Variants in MS4A13 observed in about 807,000 individuals in gnomAD.
MS4A13 encodes membrane-spanning 4-domains subfamily A member 13.
MS4A13 carries 21 observed loss-of-function variants against 18.4 expected under a neutral mutation model. The observed-to-expected ratio is 1.14, with a 90% CI of 0.81 to 1.64. The LOEUF (loss-of-function observed/expected upper bound fraction) is 1.64. MS4A13 is among the 40% of genes most tolerant of loss of function. The pLI is 0.00. For synonymous variants in MS4A13, 62 were observed against 57.2 expected (o/e 1.08, Z -0.38); for missense variants, 173 against 176.8 (o/e 0.98, Z 0.12).
intron 4 of MS4A13, among the ~76,000 whole-genome samples, chr11:60,524,712 G>T (rs547038464): frequency 3.4e-5 from 5 of 146,964 alleles, no homozygotes; most frequent in Non-Finnish European, 5.9e-5. Context: ...ACCCAGGCTG[G>T]AGTGCAGTGG....
rs573271278 is a variant in MS4A13 at position 60,532,323 on chromosome 11, C to A, written c.402+2863C>A. Among the ~76,000 whole-genome samples, 235 of 152,292 alleles carry A rather than the reference C, an allele frequency of 1.5e-3. 3 individuals are homozygous for A. The highest frequency in any genetic ancestry group is 5.4e-3 in the African/African-American group (226 of 41,560). The stretch of plus-strand genomic sequence containing the variant: ...CAGGCCAGTGTGTGCACGCACCGTG[C>A]GCGAGCCGAAGCAGGGCGAGGCATT... On this transcript the variant is annotated intron_variant, in intron 6 of 6. Transcript: ENST00000378186.
At chr11:60,542,436 A>AT in intron 6 of MS4A13, 83 bp from the exon 7 acceptor site, 3 of 925,084 alleles carry the variant, frequency 3.2e-6, no homozygotes, top group African/African-American at 1.7e-5. Flanking sequence ...TATTACCTGT[A>AT]TTTTTTAAGA....
At chr11:60,532,326 G>C (rs916644359) in intron 6 of MS4A13, among the ~76,000 whole-genome samples, 1 of 152,174 alleles carries the variant, frequency 6.6e-6, no homozygotes, top group South Asian at 2.1e-4. Context: ...CACCGTGCGC[G>C]AGCCGAAGCA....
intron 5 of MS4A13, among the ~76,000 whole-genome samples, chr11:60,527,719 C>T (rs1197070185): frequency 6.6e-6 from 1 of 151,868 alleles, no homozygotes; most frequent in Non-Finnish European, 1.5e-5. Flanking sequence ...ACCTGTAATC[C>T]CAGCTACTCC....
chr11:60,542,948 A>G (rs1284683519), downstream of MS4A13, among the ~76,000 whole-genome samples: 25 of 152,236 alleles, frequency 1.6e-4, no homozygotes, highest in Admixed American at 1.6e-3. Flanking sequence ...TTAAATACTT[A>G]TGTCCATACA....
intron 3 of MS4A13, among the ~76,000 whole-genome samples, chr11:60,521,518 G>A (rs1324198518): frequency 1.3e-5 from 2 of 152,086 alleles, no homozygotes; most frequent in East Asian, 3.8e-4. Flanking sequence ...AATCTCTAGG[G>A]AAAAATGCCA....
At chr11:60,527,423 T>TGTGTGTGTGTGTGG (rs2086726659) in intron 5 of MS4A13, among the ~76,000 whole-genome samples, 1 of 148,792 alleles carries the variant, frequency 6.7e-6, no homozygotes, top group Non-Finnish European at 1.5e-5. Flanking sequence ...TGTGTGTGTG[T>TGTGTGTGTGTGTGG]GTGTGTGTGT....
chr11:60,531,302 G>C (rs1391075781), intron 6 of MS4A13, among the ~76,000 whole-genome samples: 8 of 152,142 alleles, frequency 5.3e-5, no homozygotes, highest in Non-Finnish European at 1.5e-5. Context: ...AAATTTACTA[G>C]CAACCAACCA....
At chr11:60,521,519 A>G (rs144437096) in intron 3 of MS4A13, among the ~76,000 whole-genome samples, 2,130 of 152,290 alleles carry the variant, frequency 0.014, 25 homozygotes, top group African/African-American at 0.025. Flanking sequence ...ATCTCTAGGG[A>G]AAAATGCCAC....
intron 3 of MS4A13, among the ~76,000 whole-genome samples, chr11:60,519,883 T>C (rs1239253527): frequency 6.6e-6 from 1 of 152,204 alleles, no homozygotes; most frequent in Non-Finnish European, 1.5e-5. Context: ...GTTAGAATTT[T>C]AATACTAGAG....
rs1227880095 is a variant in MS4A13, at chr11:60,533,392, C to T, written c.402+3932C>T. 3.0e-3 allele frequency among the ~76,000 whole-genome samples: 362 copies of T among 119,402 alleles called. 19 individuals carry two copies. Among genetic ancestry groups the T allele is most frequent in the African/African-American group, 0.011 (338 of 30,724 alleles). 78.3% of individuals were successfully genotyped at this position (119,402 alleles called of 152,430 possible). On this transcript the variant is annotated intron_variant, in intron 6 of 6. Transcript: ENST00000378186. Reference sequence around the variant, plus strand: ...TGAAGAATGCAGAAGCCTCAGGAGCCGATGCAATCAACTGGAAGAAAGGGT... The same window carrying T: ...TGAAGAATGCAGAAGCCTCAGGAGCTGATGCAATCAACTGGAAGAAAGGGT...
chr11:60,538,828 G>T (rs4121607), intron 6 of MS4A13, among the ~76,000 whole-genome samples: 3 of 129,596 alleles, frequency 2.3e-5, no homozygotes, highest in African/African-American at 5.8e-5. Context: ...TCTGGCTGAT[G>T]GCAGAAAGGG....
intron 3 of MS4A13, among the ~76,000 whole-genome samples, chr11:60,520,257 G>T (rs2086664898): frequency 6.6e-6 from 1 of 152,052 alleles, no homozygotes; most frequent in Admixed American, 6.5e-5. Flanking sequence ...GAGTTTTTCT[G>T]CCCCTGGCCC....
At position 60,525,232 on chromosome 11, in the gene MS4A13, TC is replaced by T; in HGVS notation, c.213del (p.Ile72SerfsTer3). The T allele has an allele frequency of 2.6e-6, 4 of 1,565,394 alleles. No homozygotes were observed. The highest frequency in any genetic ancestry group is 3.5e-6 in the Non-Finnish European group (4 of 1,137,664). ...SGIISTLIIN[I>X]ICIITTITAV... ...ATTATAAGTACTTTAATCATAAACA[TC>T]ATCTGCATAATTACTACAATTACTG... On this transcript the variant is annotated frameshift_variant, in exon 5 of 7. Coordinates refer to ENST00000378186, the MANE Select transcript of MS4A13 (RefSeq NM_001012417.3). LOFTEE classifies it high-confidence loss of function.
intron 6 of MS4A13, among the ~76,000 whole-genome samples, chr11:60,530,793 G>C (rs923028575): frequency 6.6e-6 from 1 of 152,154 alleles, no homozygotes; most frequent in Non-Finnish European, 1.5e-5. Context: ...GATCATGGGG[G>C]CAGTTTTCCC....
intron 2 of MS4A13, 86 bp from the exon 3 acceptor site, chr11:60,517,986 T>C: frequency 9.8e-7 from 1 of 1,022,144 alleles, no homozygotes. Flanking sequence ...TTTGTAAAGG[T>C]GTTAAATGCT....
intron 3 of MS4A13, 60 bp downstream of exon 3, chr11:60,518,272 T>A: frequency 7.2e-7 from 1 of 1,396,026 alleles, no homozygotes; most frequent in Non-Finnish European, 9.7e-7. Context: ...ATGCCAATAG[T>A]AGAAGGTAGG....
rs79895665 is a variant in MS4A13, at chr11:60,517,184, T to TAAA, written c.-12-880_-12-878dup. ...CGTTACCAAAAAAGAGACTTTTTCT[T>TAAA]AAAAAAAAAACAAAACTTCTCCAAA... On this transcript the variant is annotated intron_variant, in intron 2 of 6. Transcript: ENST00000378186. Among the ~76,000 whole-genome samples, 1,016 of 148,592 alleles carry TAAA rather than the reference T, an allele frequency of 6.8e-3. 9 individuals carry two copies. Among genetic ancestry groups the TAAA allele is most frequent in the Non-Finnish European group, 0.011 (734 of 66,908 alleles).
chr11:60,526,728 T>C (rs934522605), intron 5 of MS4A13, among the ~76,000 whole-genome samples: 1 of 152,236 alleles, frequency 6.6e-6, no homozygotes, highest in Non-Finnish European at 1.5e-5. Context: ...GCAAGGGGCT[T>C]GGCTAAATCT....
Sources: gnomAD v4.1 joint callset for allele counts (sites outside exome capture counted in the v4.1 genomes callset) on GRCh38, gnomAD v4.1.1 for gene constraint, MANE v1.5 for transcripts, NCBI Gene and HGNC (gene_info 2026-07-23, HGNC 2026-07-21) for gene names.